CAB39L: variants seen among roughly 807,000 people sequenced by gnomAD.
CAB39L encodes calcium-binding protein 39-like.
A neutral mutation model predicts 39.1 loss-of-function variants in CAB39L; 23 were observed. The ratio of observed to expected loss-of-function variants is 0.59; its 90% confidence interval spans 0.42 to 0.83. CAB39L has a LOEUF of 0.83. CAB39L is among the 40% of genes least tolerant of loss of function. CAB39L has a pLI of 0.00. For synonymous variants in CAB39L, 126 were observed against 137.2 expected (o/e 0.92, Z 0.57); for missense variants, 366 against 391.9 (o/e 0.93, Z 0.56).
At chr13:49,415,804 T>C (rs1055288195) in intron 3 of CAB39L, among the ~76,000 whole-genome samples, 6 of 152,172 alleles carry the variant, frequency 3.9e-5, no homozygotes, top group African/African-American at 1.2e-4. Context: ...TTGTACACGG[T>C]AGGCACTCAA....
chr13:49,371,189 C>CTTTTT (rs386379129), intron 5 of CAB39L, among the ~76,000 whole-genome samples: 1 of 102,242 alleles, frequency 9.8e-6, no homozygotes, highest in Non-Finnish European at 2.0e-5. Flanking sequence ...CTTTTTCTTT[C>CTTTTT]TTTTTTTTTT....
intron 4 of CAB39L, among the ~76,000 whole-genome samples, chr13:49,378,735 G>T (rs1414373410): frequency 4.2e-5 from 2 of 47,260 alleles, no homozygotes; most frequent in Non-Finnish European, 8.2e-5. Flanking sequence ...CCCCCCGCCC[G>T]GCCAGCCGCC....
intron 3 of CAB39L, among the ~76,000 whole-genome samples, chr13:49,396,275 C>T (rs1956623937): frequency 6.6e-6 from 1 of 152,064 alleles, no homozygotes; most frequent in African/African-American, 2.4e-5. Flanking sequence ...CTTTTCCTCA[C>T]ATAAGTTTAT....
chr13:49,311,001 A>G lies in CAB39L; in HGVS notation c.835-8T>C, dbSNP rs1338574880. 1.9e-6 allele frequency: 3 copies of G among 1,612,088 alleles called. No homozygotes were observed. The highest frequency in any genetic ancestry group is 2.2e-5 in the East Asian group (1 of 44,856). Reference sequence around the variant, plus strand: ...AGGACTGGCCACAAACACCTGAAACAAAAAGAAACAAATACTTAGGAGTGC... The same window carrying G: ...AGGACTGGCCACAAACACCTGAAACGAAAAGAAACAAATACTTAGGAGTGC... On this transcript the variant is annotated splice_region_variant and splice_polypyrimidine_tract_variant and intron_variant, in intron 10 of 10. Transcript: ENST00000409308.
chr13:49,405,831 A>C (rs1956866247), intron 3 of CAB39L, among the ~76,000 whole-genome samples: 1 of 152,128 alleles, frequency 6.6e-6, no homozygotes. Context: ...TTCAGCTATA[A>C]AAAAGAATGA....
intron 7 of CAB39L, 29 bp from the exon 8 acceptor site, chr13:49,344,267 AACTGTTATAGCTATTAATATT>A: frequency 7.8e-7 from 1 of 1,288,120 alleles, no homozygotes; most frequent in Non-Finnish European, 1.1e-6. Flanking sequence ...AGTGAAACAA[AACTGTTATAGCTATTAATATT>A]ACAAATGTGT....
chr13:49,423,920 T>C (rs1159811457), intron 3 of CAB39L, among the ~76,000 whole-genome samples: 1 of 152,210 alleles, frequency 6.6e-6, no homozygotes, highest in East Asian at 1.9e-4. Context: ...AAGTTATAAC[T>C]TCAATGGCAT....
At chr13:49,344,818 A>C (rs1955102119) in intron 7 of CAB39L, among the ~76,000 whole-genome samples, 1 of 152,154 alleles carries the variant, frequency 6.6e-6, no homozygotes, top group South Asian at 2.1e-4. Flanking sequence ...GGCGCCTCGG[A>C]TACTGGAAGC....
At chr13:49,383,281 A>C (rs1956286541) in intron 3 of CAB39L, among the ~76,000 whole-genome samples, 1 of 152,046 alleles carries the variant, frequency 6.6e-6, no homozygotes, top group South Asian at 2.1e-4. Flanking sequence ...AATATATTCT[A>C]TAATGTTTAG....
At chr13:49,386,790 TTCCCAGACTAAACACCTCCCCCAC>T (rs757574987) in intron 3 of CAB39L, among the ~76,000 whole-genome samples, 5 of 149,374 alleles carry the variant, frequency 3.3e-5, no homozygotes, top group East Asian at 2.0e-4. Context: ...CCCCACTCCA[TTCCCAGACTAAACACCTCCCCCAC>T]TCCCAGACTA....
At position 49,386,521 on chromosome 13, in the gene CAB39L, G is replaced by A. The variant is rs147479500; in HGVS notation, c.-31-3580C>T. 5.7e-3 allele frequency among the ~76,000 whole-genome samples: 865 copies of A among 152,118 alleles called. 8 individuals carry two copies. The highest frequency in any genetic ancestry group is 0.02 in the African/African-American group (822 of 41,492). On this transcript the variant is annotated intron_variant, in intron 3 of 10. Coordinates refer to ENST00000409308, the MANE Select transcript of CAB39L (RefSeq NM_001079670.3). ...TTATATAATGGGGAAATAACACACA[G>A]TATACTGCCTCAATACAATCTCCTT...
At chr13:49,329,571 AT>A (rs1954622716) in intron 10 of CAB39L, among the ~76,000 whole-genome samples, 1 of 78,106 alleles carries the variant, frequency 1.3e-5, no homozygotes, top group Non-Finnish European at 2.7e-5. Context: ...ATATATATAT[AT>A]ATATATATAT....
chr13:49,369,319 A>C (rs1250398119), intron 5 of CAB39L, among the ~76,000 whole-genome samples: 1 of 152,232 alleles, frequency 6.6e-6, no homozygotes, highest in African/African-American at 2.4e-5. Context: ...AAAATATCCC[A>C]CAAGTGGGGA....
At chr13:49,328,301 G>T (rs1954562408) in intron 10 of CAB39L, among the ~76,000 whole-genome samples, 1 of 152,116 alleles carries the variant, frequency 6.6e-6, no homozygotes, top group Non-Finnish European at 1.5e-5. Context: ...AACATAAAGT[G>T]GTATCTCATT....
chr13:49,356,790 T>C (rs766683683), intron 6 of CAB39L, among the ~76,000 whole-genome samples: 1 of 152,074 alleles, frequency 6.6e-6, no homozygotes, highest in Admixed American at 6.6e-5. Flanking sequence ...AGGGGCTGGG[T>C]GCGGTAGCTC....
rs956614583 is a variant in CAB39L, at chr13:49,335,538, A to C, written c.691-3448T>G. On this transcript the variant is annotated intron_variant, in intron 9 of 10. Coordinates refer to ENST00000409308, the MANE Select transcript of CAB39L (RefSeq NM_001079670.3). Reference sequence around the variant, plus strand: ...ACTATAAAGCAATACTATACCAAGTAAATGGGAAACACACATATTTTACTT... The same window carrying C: ...ACTATAAAGCAATACTATACCAAGTCAATGGGAAACACACATATTTTACTT... Among the ~76,000 whole-genome samples, 9 of 152,232 alleles carry C rather than the reference A, an allele frequency of 5.9e-5. No individual in the cohort carries two copies. The East Asian group carries it at 1.7e-3, about 29-fold the overall frequency.
At chr13:49,359,036 A>G (rs1452334542) in intron 6 of CAB39L, among the ~76,000 whole-genome samples, 3 of 152,180 alleles carry the variant, frequency 2.0e-5, no homozygotes. Flanking sequence ...ACAGGAATAC[A>G]ATAAAATAAA....
chr13:49,387,547 G>A (rs1956392982), intron 3 of CAB39L, among the ~76,000 whole-genome samples: 2 of 152,266 alleles, frequency 1.3e-5, no homozygotes, highest in South Asian at 4.1e-4. Flanking sequence ...TTAGTGGACT[G>A]ACAATGGCCC....
chr13:49,380,871 GTTAT>G (rs1032716583), intron 4 of CAB39L, among the ~76,000 whole-genome samples: 5 of 152,226 alleles, frequency 3.3e-5, no homozygotes, highest in South Asian at 2.1e-4. Context: ...TGCAACTTTT[GTTAT>G]TTATTTATTT....
Sources: gnomAD v4.1 joint callset for allele counts (sites outside exome capture counted in the v4.1 genomes callset) on GRCh38, gnomAD v4.1.1 for gene constraint, MANE v1.5 for transcripts, NCBI Gene and HGNC (gene_info 2026-07-23, HGNC 2026-07-21) for gene names.